Variants in AP4E1 observed in about 807,000 individuals in gnomAD.
The protein encoded by AP4E1 is AP-4 complex subunit epsilon-1.
In AP4E1, 56 loss-of-function variants were observed where a neutral mutation model predicts 128.2. The observed-to-expected ratio is 0.44, with a 90% CI of 0.35 to 0.55. The LOEUF (loss-of-function observed/expected upper bound fraction) is 0.55. Among genes scored for constraint, AP4E1 ranks in the 20% least tolerant of loss-of-function variants. AP4E1 has a pLI of 0.00. For missense variants in AP4E1, 1,324 were observed against 1,307.7 expected (o/e 1.01, Z -0.19); for synonymous variants, 484 against 473.1 (o/e 1.02, Z -0.30).
chr15:50,968,727 A>T (rs1424849971), intron 15 of AP4E1, among the ~76,000 whole-genome samples: 1 of 152,170 alleles, frequency 6.6e-6, no homozygotes, highest in Non-Finnish European at 1.5e-5. Context: ...TCCCAGGCTC[A>T]AGTGGTTCTT....
In AP4E1 at chr15:50,969,314, G is replaced by T. The variant is rs28637339; in HGVS notation, c.1966+937G>T. Among the ~76,000 whole-genome samples the T allele has an allele frequency of 5.0e-3, 762 of 152,228 alleles. 11 individuals carry two copies. Among genetic ancestry groups the T allele is most frequent in the African/African-American group, 0.018 (737 of 41,522 alleles). On this transcript the variant is annotated intron_variant, in intron 15 of 20. Coordinates refer to ENST00000261842, the MANE Select transcript of AP4E1 (RefSeq NM_007347.5). ...TAAGGATGGCCTCCAGCTCCATCCAGGTCCCTGCAAAAGACATGATCTCAT... is the reference window on the plus strand; with the variant it reads ...TAAGGATGGCCTCCAGCTCCATCCATGTCCCTGCAAAAGACATGATCTCAT...
chr15:50,953,010 A>T (rs577613046), intron 13 of AP4E1, among the ~76,000 whole-genome samples: 105 of 152,226 alleles, frequency 6.9e-4, no homozygotes, highest in South Asian at 1.5e-3. Context: ...TTGAAGCCAG[A>T]GTTTGAGATC....
chr15:50,958,143 A>G (rs1426955482), intron 13 of AP4E1, among the ~76,000 whole-genome samples: 1 of 152,188 alleles, frequency 6.6e-6, no homozygotes, highest in Non-Finnish European at 1.5e-5. Context: ...TACTACGTGT[A>G]GTAAGAACCA....
At chr15:50,947,457 T>C (rs948992089) in intron 10 of AP4E1, among the ~76,000 whole-genome samples, 6 of 151,720 alleles carry the variant, frequency 4.0e-5, no homozygotes, top group Non-Finnish European at 8.8e-5. Context: ...CAGTTCTTCC[T>C]TGATGACTGA....
At chr15:50,953,179 T>C (rs1273213581) in intron 13 of AP4E1, among the ~76,000 whole-genome samples, 1 of 152,248 alleles carries the variant, frequency 6.6e-6, no homozygotes, top group East Asian at 1.9e-4. Context: ...TTTCCTCAGC[T>C]ATCTTCAATG....
At chr15:50,916,371 G>A (rs574282626) in intron 3 of AP4E1, among the ~76,000 whole-genome samples, 2 of 152,140 alleles carry the variant, frequency 1.3e-5, no homozygotes, top group Admixed American at 6.5e-5. Flanking sequence ...ATGAGGATTA[G>A]CAGTGTCTTA....
At chr15:50,973,886 A>C (rs2064516970) in intron 15 of AP4E1, among the ~76,000 whole-genome samples, 1 of 152,198 alleles carries the variant, frequency 6.6e-6, no homozygotes, top group Non-Finnish European at 1.5e-5. Context: ...TGGGAATGCT[A>C]ATATCTCTTT....
chr15:50,920,728 G>T (rs1464668908), intron 3 of AP4E1, among the ~76,000 whole-genome samples: 1 of 151,900 alleles, frequency 6.6e-6, no homozygotes, highest in Non-Finnish European at 1.5e-5. Flanking sequence ...CTTCACTCTG[G>T]TACTGTTGTC....
rs1420419569 is a variant in AP4E1, at chr15:50,997,421, C to T, written c.2442C>T (p.Thr814=). The T allele has an allele frequency of 1.2e-6, 2 of 1,613,178 alleles. No homozygotes were observed. Among genetic ancestry groups the T allele is most frequent in the Non-Finnish European group, 8.5e-7 (1 of 1,179,616 alleles). Residue 814 remains threonine (T), a synonymous_variant, in exon 18 of 21, where the codon ACC becomes ACT. Transcript: ENST00000261842. The part of the protein sequence containing the change: ...SGETTSTHNM[T]CSSFSSLSNV... ...AAACAACCAGTACTCATAATATGACCTGTTCTTCCTTTAGTTCTTTGTCAA... is the reference window on the plus strand; with the variant it reads ...AAACAACCAGTACTCATAATATGACTTGTTCTTCCTTTAGTTCTTTGTCAA...
chr15:50,934,578 G>C (rs1157628931), intron 7 of AP4E1, 46 bp from the exon 8 acceptor site: 1 of 1,335,518 alleles, frequency 7.5e-7, no homozygotes, highest in Non-Finnish European at 1.1e-6. Context: ...GTTTTATTGG[G>C]TTAGAATACT....
chr15:50,975,591 A>G (rs750110160), intron 15 of AP4E1, among the ~76,000 whole-genome samples: 1 of 152,090 alleles, frequency 6.6e-6, no homozygotes, highest in Non-Finnish European at 1.5e-5. Flanking sequence ...GTCCTTGTTC[A>G]ATATTAGTTG....
rs2065001433 is a variant in AP4E1 at position 51,004,759 on chromosome 15, A to C, written c.*2097A>C. ...TGATTTTAAAAACAAACAATAATAG[A>C]AAAACAGATTTTAAGGAACTTCAGA... On this transcript the variant is annotated 3_prime_UTR_variant, in exon 21 of 21. Coordinates refer to ENST00000261842, the MANE Select transcript of AP4E1 (RefSeq NM_007347.5). The C allele has an allele frequency of 6.6e-6, 1 of 152,658 alleles. No homozygotes were observed. The highest frequency in any genetic ancestry group is 2.4e-5 in the African/African-American group (1 of 41,464). 9.5% of individuals were successfully genotyped at this position (152,658 alleles called of 1,614,324 possible).
upstream of AP4E1, among the ~76,000 whole-genome samples, chr15:50,907,510 G>A (rs1347892167): frequency 6.6e-6 from 1 of 152,000 alleles, no homozygotes; most frequent in Non-Finnish European, 1.5e-5. Context: ...TCCCCTTGAA[G>A]GGAGGCTATC....
chr15:50,938,534 A>T (rs2063939595), intron 8 of AP4E1, among the ~76,000 whole-genome samples: 1 of 152,138 alleles, frequency 6.6e-6, no homozygotes, highest in Admixed American at 6.5e-5. Context: ...GCCAGGTGAT[A>T]AGGAAGGCCC....
intron 8 of AP4E1, among the ~76,000 whole-genome samples, chr15:50,940,097 C>T (rs894945713): frequency 3.3e-5 from 5 of 152,140 alleles, no homozygotes; most frequent in Non-Finnish European, 5.9e-5. Context: ...TTCTCCATTC[C>T]TGCCTTATCT....
intron 16 of AP4E1, among the ~76,000 whole-genome samples, chr15:50,988,104 A>T (rs2064753795): frequency 6.6e-6 from 1 of 152,126 alleles, no homozygotes; most frequent in African/African-American, 2.4e-5. Context: ...GGTGAACATA[A>T]AATAAGGTGA....
chr15:50,990,515 A>T (rs753397530), intron 16 of AP4E1, among the ~76,000 whole-genome samples: 2 of 151,792 alleles, frequency 1.3e-5, no homozygotes, highest in African/African-American at 2.4e-5. Context: ...ACACATTCAA[A>T]GCCGGGATTA....
chr15:50,971,603 C>T lies in AP4E1; in HGVS notation c.1966+3226C>T, dbSNP rs562425343. On this transcript the variant is annotated intron_variant, in intron 15 of 20. Coordinates refer to ENST00000261842, the MANE Select transcript of AP4E1 (RefSeq NM_007347.5). ...AAACATTTATTTGCTTAATGGTGTCCCACAAATCCTGTAGGCTTTCTTCAT... is the reference window on the plus strand; with the variant it reads ...AAACATTTATTTGCTTAATGGTGTCTCACAAATCCTGTAGGCTTTCTTCAT... 1.4e-4 allele frequency among the ~76,000 whole-genome samples: 21 copies of T among 152,026 alleles called. 1 individual carries two copies. Among genetic ancestry groups the T allele is most frequent in the African/African-American group, 4.6e-4 (19 of 41,508 alleles).
intron 14 of AP4E1, among the ~76,000 whole-genome samples, chr15:50,960,909 T>G (rs1245395181): frequency 1.3e-5 from 2 of 151,364 alleles, no homozygotes; most frequent in African/African-American, 4.8e-5. Context: ...GAGAGAAGAT[T>G]CAAATAAGTA....
Sources: gnomAD v4.1 joint callset for allele counts (sites outside exome capture counted in the v4.1 genomes callset) on GRCh38, gnomAD v4.1.1 for gene constraint, MANE v1.5 for transcripts, NCBI Gene and HGNC (gene_info 2026-07-23, HGNC 2026-07-21) for gene names.